The following BAIAP3 variants were observed in gnomAD, a reference collection of about 807,000 sequenced individuals.
BAIAP3 encodes BAI1-associated protein 3.
BAIAP3 carries 180 observed loss-of-function variants against 149.7 expected under a neutral mutation model. The observed-to-expected ratio is 1.20, with a 90% CI of 1.07 to 1.36. The LOEUF is 1.36. BAIAP3 is among the 40% of genes most tolerant of loss of function. The pLI is 0.00. For synonymous variants in BAIAP3, 845 were observed against 670.7 expected, an observed-to-expected ratio of 1.26 and a Z score of -4.02; for missense variants, 1,767 against 1,563.4, an observed-to-expected ratio of 1.13 and a Z score of -2.20.
chr16:1,346,188 A>C lies in BAIAP3; in HGVS notation c.2320A>C (p.Asn774His), dbSNP rs768238384. ...CCTCCAGCTCTGCGTGGTCCTCAAC[A>C]ATGTGGAGCTCGTGCGCAAGGCTGC... ...VSEALCVVLN[N>H]VELVRKAAGQ... The change falls in exon 25 of 34, where the codon AAT becomes CAT. Residue 774 changes from asparagine (N) to histidine (H), a missense_variant. Asn to His is a moderately conservative substitution (Grantham distance 68, BLOSUM62 1). Coordinates refer to ENST00000426824, the MANE Select transcript of BAIAP3 (RefSeq NM_001199097.2). The C allele has an allele frequency of 6.2e-7, 1 of 1,611,786 alleles. No individual in the cohort carries two copies. Among genetic ancestry groups the C allele is most frequent in the South Asian group, 1.1e-5 (1 of 91,052 alleles).
chr16:1,341,019 C>G, intron 6 of BAIAP3, 38 bp downstream of exon 6: 1 of 1,608,338 alleles, frequency 6.2e-7, no homozygotes, highest in Non-Finnish European at 8.5e-7. Flanking sequence ...CTGACCAGCA[C>G]GTGCCTGCGT....
chr16:1,348,582 G>A lies in BAIAP3; in HGVS notation c.*100G>A, dbSNP rs991131653. The A allele has an allele frequency of 1.7e-5, 20 of 1,195,106 alleles. No individual in the cohort carries two copies. Among genetic ancestry groups the A allele is most frequent in the Middle Eastern group, 2.7e-4 (1 of 3,648 alleles). The allele number at this position is 1,195,106 out of a possible 1,614,324, so 74.0% of individuals were successfully genotyped here. ...GCTTTGTGCAACCAGGGCCCACGGCGCCCCTCCTGTGCTGTGACGTGTGTG... is the reference window on the plus strand; with the variant it reads ...GCTTTGTGCAACCAGGGCCCACGGCACCCCTCCTGTGCTGTGACGTGTGTG... On this transcript the variant is annotated 3_prime_UTR_variant, in exon 34 of 34. Coordinates refer to ENST00000426824, the MANE Select transcript of BAIAP3 (RefSeq NM_001199097.2).
rs1251533509 is a variant in BAIAP3, at chr16:1,347,625, G to A, written c.2904G>A (p.Gln968=). 4 of 1,612,908 alleles carry A rather than the reference G, an allele frequency of 2.5e-6. No homozygotes were observed. Among genetic ancestry groups the A allele is most frequent in the African/African-American group, 1.3e-5 (1 of 74,954 alleles). ...AGTTCTACCTGGACAAGCTCAAACAGGTAGGGAGGCGCCAGGGACAGGGTG... is the reference window on the plus strand; with the variant it reads ...AGTTCTACCTGGACAAGCTCAAACAAGTAGGGAGGCGCCAGGGACAGGGTG... ...IEQFYLDKLK[Q]RTLEQNRFGR... Residue 968 remains glutamine (Q), a splice_region_variant and synonymous_variant, in exon 30 of 34, where the codon CAG becomes CAA. Coordinates refer to ENST00000426824, the MANE Select transcript of BAIAP3 (RefSeq NM_001199097.2).
Position 1,345,206 on chromosome 16 carries a change from G to A in BAIAP3, c.1941-43G>A, listed in dbSNP as rs770865801. The A allele has an allele frequency of 4.3e-6, 7 of 1,610,346 alleles. No individual in the cohort carries two copies. The South Asian group carries it at 6.6e-5, about 15-fold the overall frequency. The stretch of plus-strand genomic sequence containing the variant: ...GTGAGCCTGGAACGTGCTGGTTAAG[G>A]TGTCTGAGTCAGGGCCGAGCCCTCA... On this transcript the variant is annotated intron_variant, in intron 21 of 33. Coordinates refer to ENST00000426824, the MANE Select transcript of BAIAP3 (RefSeq NM_001199097.2).
Position 1,341,426 on chromosome 16 carries a change from G to C in BAIAP3, c.668G>C (p.Cys223Ser), listed in dbSNP as rs772368252. 1.9e-6 allele frequency: 3 copies of C among 1,612,540 alleles called. No individual in the cohort carries two copies. Among genetic ancestry groups the C allele is most frequent in the Admixed American group, 3.3e-5 (2 of 60,028 alleles). ...SKRGGPLPAKCIQVTEVKSST... is the reference protein window; with the variant it reads ...SKRGGPLPAKSIQVTEVKSST... ...CGCGGTGGACCCCTGCCTGCCAAGT[G>C]CATCCAGGTCACCGAGGTGAAGAGC... The change falls in exon 8 of 34, where the codon TGC becomes TCC. Residue 223 changes from cysteine (C) to serine (S), a missense_variant. Physicochemically the swap from Cys to Ser is moderately radical, Grantham distance 112. Coordinates refer to ENST00000426824, the MANE Select transcript of BAIAP3 (RefSeq NM_001199097.2).
Position 1,345,075 on chromosome 16 carries a change from G to C in BAIAP3, c.1916G>C (p.Arg639Pro), listed in dbSNP as rs780577265. The C allele has an allele frequency of 2.5e-6, 4 of 1,612,422 alleles. No homozygotes were observed. Among genetic ancestry groups the C allele is most frequent in the African/African-American group, 2.7e-5 (2 of 74,880 alleles). ...ELYLTLADLQ[R>P]FWDSIPGRDS... ...TACCTGACCCTGGCTGACCTCCAGC[G>C]CTTCTGGGATAGCATCCCTGGCCGG... Residue 639 changes from arginine (R) to proline (P), a missense_variant, in exon 21 of 34, where the codon CGC (arginine) becomes CCC (proline). Physicochemically the swap from Arg to Pro is moderately radical, Grantham distance 103. Coordinates refer to ENST00000426824, the MANE Select transcript of BAIAP3 (RefSeq NM_001199097.2).
Position 1,345,299 on chromosome 16 carries a change from C to T in BAIAP3, c.1991C>T (p.Ala664Val), listed in dbSNP as rs149258754. The T allele has an allele frequency of 1.9e-6, 3 of 1,613,072 alleles. No individual in the cohort carries two copies. The highest frequency in any genetic ancestry group is 2.7e-5 in the African/African-American group (2 of 74,878). Residue 664 changes from alanine to valine, a missense_variant, in exon 22 of 34, where the codon GCT becomes GTT. By Grantham distance (64) the Ala-to-Val change is moderately conservative (BLOSUM62 0). Coordinates refer to ENST00000426824, the MANE Select transcript of BAIAP3 (RefSeq NM_001199097.2). ...GGCATCCACGCCCCCTTCCTGCCTG[C>T]TGTGAAGCTCTGGTTCCAAGTGCTG... ...LAGIHAPFLPAVKLWFQVLRD... is the reference protein window; with the variant it reads ...LAGIHAPFLPVVKLWFQVLRD...
chr16:1,335,390 C>T (rs1596556011), intron 1 of BAIAP3, among the ~76,000 whole-genome samples: 1 of 152,186 alleles, frequency 6.6e-6, no homozygotes, highest in Non-Finnish European at 1.5e-5. Flanking sequence ...GGGGGTTCAT[C>T]CTGCCTCATG....
At chr16:1,336,718 G>A (rs1178897803) in intron 1 of BAIAP3, among the ~76,000 whole-genome samples, 1 of 152,222 alleles carries the variant, frequency 6.6e-6, no homozygotes, top group African/African-American at 2.4e-5. Context: ...TAGTGCCACT[G>A]TGGGGAGCTG....
chr16:1,349,417 AAT>A lies in BAIAP3; in HGVS notation c.*940_*941del, dbSNP rs776759433. The A allele has an allele frequency of 7.4e-6, 12 of 1,613,484 alleles. 1 individual carries two copies. Among genetic ancestry groups the A allele is most frequent in the South Asian group, 4.4e-5 (4 of 91,028 alleles). On this transcript the variant is annotated 3_prime_UTR_variant, in exon 34 of 34. Transcript: ENST00000426824. ...GATTTTCTCGTCACCCAGCCTCAAA[AAT>A]ATATGTGTCTGCAACCCTCAGTCTC...
chr16:1,348,122 G>A lies in BAIAP3; in HGVS notation c.3176G>A (p.Arg1059His), dbSNP rs199925863. 302 of 1,604,166 alleles carry A rather than the reference G, an allele frequency of 1.9e-4. 2 individuals are homozygous for A. The Admixed American group carries it at 4.8e-3, about 26-fold the overall frequency. The stretch of plus-strand genomic sequence containing the variant: ...TCCGTGCCTGCCGAGGCGTGCCGCC[G>A]CCGCGCGGCCTGTGTGTTGTTCACC... ...YFSVPAEACR[R>H]RAACVLFTVM... The change falls in exon 33 of 34, where the codon CGC (arginine) becomes CAC (histidine). Residue 1059 changes from arginine (R) to histidine (H), a missense_variant. By Grantham distance (29) the Arg-to-His change is conservative (BLOSUM62 0). Transcript: ENST00000426824.
intron 1 of BAIAP3, among the ~76,000 whole-genome samples, chr16:1,335,485 C>T (rs2033394870): frequency 1.3e-5 from 2 of 152,190 alleles, no homozygotes; most frequent in South Asian, 2.1e-4. Flanking sequence ...GCACCTGGCT[C>T]ACTCCTGCCC....
chr16:1,343,633 A>T, intron 15 of BAIAP3, 120 bp downstream of exon 15: 2 of 1,431,440 alleles, frequency 1.4e-6, no homozygotes, highest in Admixed American at 2.2e-5. Context: ...AGACAAATGG[A>T]CAAACTGTAT....
Position 1,349,252 on chromosome 16 carries a change from A to C in BAIAP3, c.*770A>C, listed in dbSNP as rs2034588879. On this transcript the variant is annotated 3_prime_UTR_variant, in exon 34 of 34. Coordinates refer to ENST00000426824, the MANE Select transcript of BAIAP3 (RefSeq NM_001199097.2). ...ACTCACAAGGGGCTTCTTGGCCTGC[A>C]GCTTCATTTGCGAGAGCGCCGAGGC... 2.9e-6 allele frequency: 2 copies of C among 696,896 alleles called. No individual in the cohort carries two copies. Among genetic ancestry groups the C allele is most frequent in the Non-Finnish European group, 5.0e-6 (2 of 396,684 alleles). 43.2% of individuals were successfully genotyped at this position (696,896 alleles called of 1,614,324 possible). A position where few individuals can be genotyped will look rare whatever the true frequency, so the allele number is the denominator to read the frequency against.
intron 10 of BAIAP3, 59 bp downstream of exon 10, chr16:1,342,122 C>G: frequency 1.3e-6 from 2 of 1,567,912 alleles, no homozygotes; most frequent in Non-Finnish European, 1.7e-6. Flanking sequence ...TCATGGGGCC[C>G]GGCGGGCAGT....
intron 1 of BAIAP3, chr16:1,334,589 C>G (rs1296742624): frequency 2.1e-6 from 3 of 1,423,662 alleles, no homozygotes; most frequent in African/African-American, 2.8e-5. Context: ...CCTTGGCAGC[C>G]GTCTGAGGCT....
chr16:1,341,122 T>C lies in BAIAP3; in HGVS notation c.469-7T>C. ...TCACCAGGCCCCCCACGCCCCTCTGTCCACAGGCCCCCACGTATGCCCTGA... is the reference window on the plus strand; with the variant it reads ...TCACCAGGCCCCCCACGCCCCTCTGCCCACAGGCCCCCACGTATGCCCTGA... On this transcript the variant is annotated splice_region_variant and splice_polypyrimidine_tract_variant and intron_variant, in intron 6 of 33. Transcript: ENST00000426824. The C allele has an allele frequency of 6.2e-7, 1 of 1,612,286 alleles. No individual in the cohort carries two copies.
rs140447512 is a variant in BAIAP3, at chr16:1,344,471, A to G, written c.1605A>G (p.Arg535=). 6.2e-7 allele frequency: 1 copy of G among 1,613,268 alleles called. No individual in the cohort carries two copies. The highest frequency in any genetic ancestry group is 1.3e-5 in the African/African-American group (1 of 74,850). Residue 535 remains arginine (R), a splice_region_variant and synonymous_variant, in exon 18 of 34, where the codon AGA becomes AGG. Transcript: ENST00000426824. The part of the protein sequence containing the change: ...LNMDIAAALK[R]GNREWYDRIL... ...TGTCTTGGTGGTGTCTGTTGCAGAG[A>G]GGCAACCGTGAGTGGTACGACAGGA...
Position 1,346,615 on chromosome 16 carries a change from C to G in BAIAP3, c.2573C>G (p.Pro858Arg), listed in dbSNP as rs758687104. The change falls in exon 27 of 34, where the codon CCG (proline) becomes CGG (arginine). Residue 858 changes from proline (P) to arginine (R), a missense_variant. Physicochemically the swap from Pro to Arg is moderately radical, Grantham distance 103. Transcript: ENST00000426824. ...CACCCCTGCCCGCAGGCCGTGGCCC[C>G]GCTCATGAAGTACCTGGATGAGAAG... ...DSIQNDEAVA[P>R]LMKYLDEKLA... is the part of the protein sequence containing the mutation. 1.3e-6 allele frequency: 2 copies of G among 1,552,592 alleles called. No individual in the cohort carries two copies. Among genetic ancestry groups the G allele is most frequent in the South Asian group, 2.4e-5 (2 of 84,508 alleles).
Sources: allele counts gnomAD v4.1 joint callset (sites outside exome capture counted in the v4.1 genomes callset), GRCh38; gene constraint gnomAD v4.1.1; transcripts MANE v1.5; gene names NCBI Gene and HGNC (gene_info 2026-07-23, HGNC 2026-07-21).